RNF141: variants seen among roughly 807,000 people sequenced by gnomAD.
RNF141 encodes C3HC4-like zinc finger protein.
Under a neutral mutation model 27.4 loss-of-function variants are expected in RNF141, and 18 were observed. That is an observed-to-expected ratio of 0.66 (90% CI 0.45 to 0.97). The LOEUF (loss-of-function observed/expected upper bound fraction) is 0.97, where lower values mean the gene tolerates loss of function less well. RNF141 is among the 50% of genes least tolerant of loss of function. The pLI is 0.00. For synonymous variants in RNF141, 97 were observed against 96.6 expected (o/e 1.00, Z -0.02); for missense variants, 230 against 279.4 (o/e 0.82, Z 1.26).
intron 3 of RNF141, among the ~76,000 whole-genome samples, chr11:10,528,471 T>A (rs1481750770): frequency 6.6e-6 from 1 of 152,210 alleles, no homozygotes; most frequent in Non-Finnish European, 1.5e-5. Context: ...CACATACAGA[T>A]GTTAGACATA....
chr11:10,516,460 C>A (rs1849843663), intron 5 of RNF141: 1 of 152,214 alleles, frequency 6.6e-6, no homozygotes, highest in Admixed American at 6.5e-5. Flanking sequence ...CTTGATGGAA[C>A]ATGGCAAACT....
chr11:10,538,453 C>T (rs2133977939), intron 1 of RNF141, among the ~76,000 whole-genome samples: 1 of 152,306 alleles, frequency 6.6e-6, no homozygotes, highest in Non-Finnish European at 1.5e-5. Flanking sequence ...TTCACGAAAA[C>T]AATCTGTTGA....
intron 5 of RNF141, chr11:10,518,326 T>C (rs1849858737): frequency 6.6e-6 from 1 of 152,128 alleles, no homozygotes; most frequent in Admixed American, 6.6e-5. Context: ...TTGTAATAGA[T>C]AAATATGGAA....
Position 10,519,035 on chromosome 11 carries a change from A to G in RNF141, c.541T>C (p.Trp181Arg). Reference protein sequence around the residue: ...HSFCQKCIDKWSDRHRNCPIC... With the variant: ...HSFCQKCIDKRSDRHRNCPIC... ...CCATGAATGCAGTAGGTAACTTACC[A>G]TTTATCAATACACTTCTGACAAAAG... The change falls in exon 5 of 6, where the codon TGG (tryptophan) becomes CGG (arginine). Residue 181 changes from tryptophan (W) to arginine (R), a missense_variant and splice_region_variant. Physicochemically the swap from Trp to Arg is moderately radical, Grantham distance 101 (BLOSUM62 -3). Coordinates refer to ENST00000265981, the MANE Select transcript of RNF141 (RefSeq NM_016422.4). 6.2e-7 allele frequency: 1 copy of G among 1,613,232 alleles called. No individual in the cohort carries two copies. The highest frequency in any genetic ancestry group is 8.5e-7 in the Non-Finnish European group (1 of 1,179,288).
At chr11:10,516,777 C>A (rs1315928972) in intron 5 of RNF141, 1 of 152,152 alleles carries the variant, frequency 6.6e-6, no homozygotes, top group African/African-American at 2.4e-5. Context: ...TCTAAAGGGT[C>A]TTGCTATTAG....
At chr11:10,521,193 G>T (rs907305225) in intron 4 of RNF141, among the ~76,000 whole-genome samples, 38 of 152,300 alleles carry the variant, frequency 2.5e-4, no homozygotes, top group Admixed American at 6.5e-4. Context: ...AACTGCCCTT[G>T]TGAGTTTAGT....
At chr11:10,524,276 G>A (rs564086112) in intron 4 of RNF141, among the ~76,000 whole-genome samples, 58 of 152,258 alleles carry the variant, frequency 3.8e-4, no homozygotes, top group East Asian at 3.5e-3. Context: ...TTAGCCGGGC[G>A]TGGTGGCGGG....
chr11:10,534,650 G>C (rs1205149494), intron 1 of RNF141, among the ~76,000 whole-genome samples: 1 of 152,122 alleles, frequency 6.6e-6, no homozygotes. Context: ...CTAAGAGGTA[G>C]ACAATATTAC....
chr11:10,522,600 T>C (rs1849896792), intron 4 of RNF141, among the ~76,000 whole-genome samples: 1 of 152,144 alleles, frequency 6.6e-6, no homozygotes, highest in Admixed American at 6.5e-5. Context: ...ACTGGGGGTG[T>C]TTATCCTTGA....
chr11:10,519,347 C>T (rs1182641796), intron 4 of RNF141, among the ~76,000 whole-genome samples: 1 of 152,004 alleles, frequency 6.6e-6, no homozygotes, highest in East Asian at 1.9e-4. Flanking sequence ...GGCTACATTT[C>T]ATAAAGAAAG....
intron 5 of RNF141, chr11:10,516,377 A>G (rs1434431283): frequency 2.0e-5 from 3 of 152,236 alleles, no homozygotes; most frequent in Non-Finnish European, 1.5e-5. Flanking sequence ...ATGGGAGTCA[A>G]AGAAGGTGAG....
At chr11:10,529,280 CTTTAA>C (rs1429281426) in intron 3 of RNF141, among the ~76,000 whole-genome samples, 6 of 152,164 alleles carry the variant, frequency 3.9e-5, no homozygotes, top group Admixed American at 3.3e-4. Context: ...TCTGCTGGGT[CTTTAA>C]TTTAACCAAT....
chr11:10,524,137 G>A (rs769942664), intron 4 of RNF141, among the ~76,000 whole-genome samples: 4 of 152,160 alleles, frequency 2.6e-5, no homozygotes, highest in African/African-American at 9.7e-5. Context: ...ACCACTGGCC[G>A]GGCATGGTGG....
rs1849813001 is a variant in RNF141 at position 10,512,886 on chromosome 11, A to C, written c.*2030T>G. On this transcript the variant is annotated 3_prime_UTR_variant, in exon 6 of 6. Coordinates refer to ENST00000265981, the MANE Select transcript of RNF141 (RefSeq NM_016422.4). ...ACTTAATCACATTTATAGTATATAAAGTTTATATAATAAGGAAATTTATAA... is the reference window on the plus strand; with the variant it reads ...ACTTAATCACATTTATAGTATATAACGTTTATATAATAAGGAAATTTATAA... The C allele has an allele frequency of 1.3e-5, 2 of 152,182 alleles. No individual in the cohort carries two copies. The allele number at this position is 152,182 out of a possible 1,614,324, so 9.4% of individuals were successfully genotyped here.
Position 10,539,699 on chromosome 11 carries a change from T to TATATATATATATATA in RNF141, c.-48+1422_-48+1423insTATATATATATATAT, listed in dbSNP as rs56298076. Reference sequence around the variant, plus strand: ...TCAGAAAAAGATACATACATATATATTAGAGAGAGAAGGAGAGAGAAACTA... The same window carrying TATATATATATATATA: ...TCAGAAAAAGATACATACATATATATATATATATATATATATAGAGAGAGAAGGAGAGAGAAACTA... On this transcript the variant is annotated intron_variant, in intron 1 of 5. Transcript: ENST00000265981. Among the ~76,000 whole-genome samples, 9 of 73,694 alleles carry TATATATATATATATA rather than the reference T, an allele frequency of 1.2e-4. 1 individual carries two copies. Among genetic ancestry groups the TATATATATATATATA allele is most frequent in the East Asian group, 1.1e-3 (2 of 1,900 alleles). The allele number at this position is 73,694 out of a possible 152,430, so 48.3% of individuals were successfully genotyped here.
intron 3 of RNF141, among the ~76,000 whole-genome samples, chr11:10,527,169 T>G (rs535897856): frequency 6.6e-6 from 1 of 152,346 alleles, no homozygotes; most frequent in African/African-American, 2.4e-5. Flanking sequence ...ATTGGTACTA[T>G]GTGCACTGCT....
chr11:10,530,067 T>A (rs2133972809), intron 3 of RNF141, among the ~76,000 whole-genome samples: 1 of 152,238 alleles, frequency 6.6e-6, no homozygotes, highest in South Asian at 2.1e-4. Flanking sequence ...GGATAGGAGG[T>A]GGCCTAATAA....
chr11:10,525,404 G>C (rs1849924338), intron 3 of RNF141, 31 bp from the exon 4 acceptor site: 1 of 1,522,070 alleles, frequency 6.6e-7, no homozygotes, highest in African/African-American at 1.4e-5. Context: ...AAAAAGAAAA[G>C]TTGATCATTT....
At chr11:10,523,604 T>C (rs1849906735) in intron 4 of RNF141, among the ~76,000 whole-genome samples, 1 of 152,162 alleles carries the variant, frequency 6.6e-6, no homozygotes, top group African/African-American at 2.4e-5. Context: ...AACTAGTGTA[T>C]AAGGGTATTA....
Sources: gnomAD v4.1 joint callset for allele counts (sites outside exome capture counted in the v4.1 genomes callset) on GRCh38, gnomAD v4.1.1 for gene constraint, MANE v1.5 for transcripts, NCBI Gene and HGNC (gene_info 2026-07-23, HGNC 2026-07-21) for gene names.